The following ANKS6 variants were observed in gnomAD, a reference collection of about 807,000 sequenced individuals.
The protein encoded by ANKS6 is ankyrin repeat and SAM domain-containing protein 6.
A neutral mutation model predicts 77.9 loss-of-function variants in ANKS6; 47 were observed. That is an observed-to-expected ratio of 0.60 (90% CI 0.48 to 0.77). The LOEUF (loss-of-function observed/expected upper bound fraction) is 0.77, where lower values mean the gene tolerates loss of function less well. Ranked by LOEUF, ANKS6 falls within the 30% of genes least tolerant of loss-of-function variation. The pLI is 0.00. For missense variants in ANKS6, 1,150 were observed against 1,159.1 expected, an observed-to-expected ratio of 0.99 and a Z score of 0.11; for synonymous variants, 488 against 501.7, an observed-to-expected ratio of 0.97 and a Z score of 0.37.
Position 98,773,960 on chromosome 9 carries a change from T to C in ANKS6, c.1738A>G (p.Asn580Asp). Reference sequence around the variant, plus strand: ...GTCTTCATGGGGTCTGCCTTCCCGTTGTGACGCGTCCGGGACCGATCAGAG... The same window carrying C: ...GTCTTCATGGGGTCTGCCTTCCCGTCGTGACGCGTCCGGGACCGATCAGAG... ...WSSDRSRTRHNGKADPMKTAL... is the reference protein window; with the variant it reads ...WSSDRSRTRHDGKADPMKTAL... Residue 580 changes from asparagine (N) to aspartate (D), a missense_variant, in exon 9 of 15, where the codon AAC becomes GAC. Coordinates refer to ENST00000353234, the MANE Select transcript of ANKS6 (RefSeq NM_173551.5). 6.3e-7 allele frequency: 1 copy of C among 1,594,462 alleles called. No individual in the cohort carries two copies.
intron 14 of ANKS6, among the ~76,000 whole-genome samples, chr9:98,743,203 G>C (rs531799270): frequency 5.3e-5 from 8 of 152,238 alleles, no homozygotes; most frequent in African/African-American, 1.7e-4. Flanking sequence ...CCTCTCCTTG[G>C]CTCACACATC....
At chr9:98,774,126 C>T (rs777122215) in intron 8 of ANKS6, 46 bp from the exon 9 acceptor site, 10 of 1,387,362 alleles carry the variant, frequency 7.2e-6, no homozygotes, top group Non-Finnish European at 9.4e-6. Flanking sequence ...AGGAGGGCTC[C>T]CAACTCTGCA....
intron 13 of ANKS6, among the ~76,000 whole-genome samples, chr9:98,746,266 C>T (rs1014041505): frequency 6.6e-6 from 1 of 152,194 alleles, no homozygotes; most frequent in Non-Finnish European, 1.5e-5. Flanking sequence ...AAATCAGGCC[C>T]TCTGCTCCAC....
At chr9:98,737,666 A>G (rs1212841786) in intron 14 of ANKS6, among the ~76,000 whole-genome samples, 2 of 152,242 alleles carry the variant, frequency 1.3e-5, no homozygotes, top group Non-Finnish European at 1.5e-5. Context: ...GTCAAAAGCA[A>G]TCTACAAATT....
intron 11 of ANKS6, among the ~76,000 whole-genome samples, chr9:98,759,277 T>G (rs555916630): frequency 3.4e-4 from 52 of 152,180 alleles, no homozygotes; most frequent in African/African-American, 1.3e-3. Context: ...GACAAAAAAA[T>G]AAACTATTTT....
rs199809826 is a variant in ANKS6 at position 98,780,142 on chromosome 9, C to T, written c.1368+47G>A. 4.3e-4 allele frequency: 696 copies of T among 1,608,020 alleles called. 5 individuals are homozygous for T. In the African/African-American group the frequency reaches 8.6e-3, roughly 20 times the overall value. ...GGAGGCAGCAGGCTCCCCGCCAGCC[C>T]CCATCTCCCTAGCCCCCAAGCCCCT... On this transcript the variant is annotated intron_variant, in intron 6 of 14. Coordinates refer to ENST00000353234, the MANE Select transcript of ANKS6 (RefSeq NM_173551.5).
chr9:98,745,365 C>T (rs770467182), intron 14 of ANKS6, among the ~76,000 whole-genome samples, 194 bp downstream of exon 14: 1 of 152,210 alleles, frequency 6.6e-6, no homozygotes, highest in Non-Finnish European at 1.5e-5. Flanking sequence ...CATTGGTTAC[C>T]TGAGCGAAGA....
intron 11 of ANKS6, among the ~76,000 whole-genome samples, chr9:98,759,951 T>C (rs750070504): frequency 6.6e-6 from 1 of 152,096 alleles, no homozygotes; most frequent in Non-Finnish European, 1.5e-5. Flanking sequence ...CAATAATATA[T>C]AGTTTCAAAA....
chr9:98,771,025 A>G lies in ANKS6; in HGVS notation c.1843T>C (p.Phe615Leu). The G allele has an allele frequency of 6.3e-7, 1 of 1,588,948 alleles. No individual in the cohort carries two copies. Among genetic ancestry groups the G allele is most frequent in the South Asian group, 1.2e-5 (1 of 86,624 alleles). ...GCTGGGCTTCTGGGGAGGCTTGGAA[A>G]TTTAACAGGCCTGACGGGTGTCTAC... Reference protein sequence around the residue: ...TDTTPVRPVKFPSLPRSPASS... With the variant: ...TDTTPVRPVKLPSLPRSPASS... Residue 615 changes from phenylalanine (F) to leucine (L), a missense_variant, in exon 10 of 15, where the codon TTT becomes CTT. Coordinates refer to ENST00000353234, the MANE Select transcript of ANKS6 (RefSeq NM_173551.5).
At position 98,778,244 on chromosome 9, in the gene ANKS6, G is replaced by A; in HGVS notation, c.1549C>T (p.Pro517Ser). Residue 517 changes from proline (P) to serine (S), a missense_variant, in exon 7 of 15, where the codon CCT (proline) becomes TCT (serine). Physicochemically the swap from Pro to Ser is moderately conservative, Grantham distance 74. Coordinates refer to ENST00000353234, the MANE Select transcript of ANKS6 (RefSeq NM_173551.5). ...TTCTCACCATTGTCTTTGGTCACAG[G>A]GGCCGCATCAGGGAGTGCAGAGCGG... ...TSRSALPDAAPVTKDNGPGST... is the reference protein window; with the variant it reads ...TSRSALPDAASVTKDNGPGST... 5 of 1,614,138 alleles carry A rather than the reference G, an allele frequency of 3.1e-6. No homozygotes were observed. Among genetic ancestry groups the A allele is most frequent in the Non-Finnish European group, 4.2e-6 (5 of 1,180,012 alleles).
intron 1 of ANKS6, among the ~76,000 whole-genome samples, chr9:98,792,917 G>A (rs761380385): frequency 1.1e-4 from 17 of 152,218 alleles, no homozygotes; most frequent in Non-Finnish European, 1.9e-4. Context: ...GCCCAAGAGA[G>A]CACTCAACTA....
Position 98,733,708 on chromosome 9 carries a change from G to A in ANKS6, c.*2811C>T, listed in dbSNP as rs1468632793. 1.0e-6 allele frequency: 1 copy of A among 985,340 alleles called. No homozygotes were observed. The highest frequency in any genetic ancestry group is 1.2e-6 in the Non-Finnish European group (1 of 829,962). 61.0% of individuals were successfully genotyped at this position (985,340 alleles called of 1,614,324 possible). ...GTTTCTTGGCCCTGTGAAGAGGCCT[G>A]ACCCATGCTGGCATGCTGAAGGTTG... On this transcript the variant is annotated 3_prime_UTR_variant, in exon 15 of 15. Coordinates refer to ENST00000353234, the MANE Select transcript of ANKS6 (RefSeq NM_173551.5).
rs578220772 is a variant in ANKS6, at chr9:98,769,966, C to T, written c.1972+930G>A. Among the ~76,000 whole-genome samples, 5 of 152,274 alleles carry T rather than the reference C, an allele frequency of 3.3e-5. No homozygotes were observed. In the East Asian group the frequency reaches 9.6e-4, roughly 29 times the overall value. The stretch of plus-strand genomic sequence containing the variant: ...ATGATCTGTAGTGGGTGAGATTATA[C>T]TTTGTTTTAGTCTCTTGGCTCATCT... On this transcript the variant is annotated intron_variant, in intron 10 of 14. Transcript: ENST00000353234.
intron 10 of ANKS6, among the ~76,000 whole-genome samples, chr9:98,769,247 G>A (rs915935122): frequency 9.9e-5 from 15 of 152,134 alleles, no homozygotes; most frequent in South Asian, 4.1e-4. Flanking sequence ...TGTGCCAGGC[G>A]CTGCTGTAAG....
At chr9:98,738,035 TAGG>T (rs955536322) in intron 14 of ANKS6, among the ~76,000 whole-genome samples, 12 of 152,276 alleles carry the variant, frequency 7.9e-5, no homozygotes, top group African/African-American at 2.6e-4. Context: ...TAGCCACATG[TAGG>T]AGAATGAAAT....
At chr9:98,756,706 CATG>C in intron 11 of ANKS6, 103 bp from the exon 12 acceptor site, 2 of 987,874 alleles carry the variant, frequency 2.0e-6, no homozygotes, top group Non-Finnish European at 2.8e-6. Flanking sequence ...TTTGATTCAA[CATG>C]ATGTTTAACC....
intron 8 of ANKS6, among the ~76,000 whole-genome samples, chr9:98,774,859 C>A (rs1335523379): frequency 6.6e-6 from 1 of 152,200 alleles, no homozygotes; most frequent in Non-Finnish European, 1.5e-5. Flanking sequence ...AGCTTTGCAG[C>A]AACGGGCATC....
rs774263180 is a variant in ANKS6, at chr9:98,790,619, T to G, written c.360-13A>C. Reference sequence around the variant, plus strand: ...CACATGCCCAAATCTGCCAGGAAGATGGAGAATTAGTGACACTGAACACAC... The same window carrying G: ...CACATGCCCAAATCTGCCAGGAAGAGGGAGAATTAGTGACACTGAACACAC... On this transcript the variant is annotated splice_polypyrimidine_tract_variant and intron_variant, in intron 1 of 14. Coordinates refer to ENST00000353234, the MANE Select transcript of ANKS6 (RefSeq NM_173551.5). 3 of 1,591,886 alleles carry G rather than the reference T, an allele frequency of 1.9e-6. No individual in the cohort carries two copies. Among genetic ancestry groups the G allele is most frequent in the Middle Eastern group, 1.7e-4 (1 of 6,022 alleles).
rs1268311690 is a variant in ANKS6 at position 98,734,774 on chromosome 9, T to C, written c.*1745A>G. Reference sequence around the variant, plus strand: ...TGACAAAGGTAAAGCTGCCAGCACATAGTAGGGGATGAATGAGTGTGTCTC... The same window carrying C: ...TGACAAAGGTAAAGCTGCCAGCACACAGTAGGGGATGAATGAGTGTGTCTC... On this transcript the variant is annotated 3_prime_UTR_variant, in exon 15 of 15. Coordinates refer to ENST00000353234, the MANE Select transcript of ANKS6 (RefSeq NM_173551.5). 3 of 983,642 alleles carry C rather than the reference T, an allele frequency of 3.0e-6. No homozygotes were observed. The highest frequency in any genetic ancestry group is 3.6e-6 in the Non-Finnish European group (3 of 828,344). The allele number at this position is 983,642 out of a possible 1,614,324, so 60.9% of individuals were successfully genotyped here.
Sources: allele counts gnomAD v4.1 joint callset (sites outside exome capture counted in the v4.1 genomes callset), GRCh38; gene constraint gnomAD v4.1.1; transcripts MANE v1.5; gene names NCBI Gene and HGNC (gene_info 2026-07-23, HGNC 2026-07-21).